PPFIA1: variants seen among roughly 807,000 people sequenced by gnomAD.
The protein encoded by PPFIA1 is liprin-alpha-1.
PPFIA1 carries 25 observed loss-of-function variants against 149.9 expected under a neutral mutation model. The ratio of observed to expected loss-of-function variants is 0.17; its 90% CI spans 0.12 to 0.23. The LOEUF is 0.23. Among genes scored for constraint, PPFIA1 ranks in the 10% least tolerant of loss-of-function variants. PPFIA1 has a pLI of 1.00. For synonymous variants in PPFIA1, 549 were observed against 552.8 expected (o/e 0.99, Z 0.10); for missense variants, 1,362 against 1,506.5 (o/e 0.90, Z 1.59).
chr11:70,276,644 A>G (rs1280533468), intron 2 of PPFIA1, among the ~76,000 whole-genome samples: 1 of 152,190 alleles, frequency 6.6e-6, no homozygotes, highest in Non-Finnish European at 1.5e-5. Context: ...TGGCAAAACC[A>G]GCTGGTACAG....
At chr11:70,287,500 T>G (rs1297780557) in intron 2 of PPFIA1, among the ~76,000 whole-genome samples, 1 of 151,868 alleles carries the variant, frequency 6.6e-6, no homozygotes, top group Non-Finnish European at 1.5e-5. Flanking sequence ...CAGCTAAGTT[T>G]TTTTTTTTTT....
chr11:70,377,905 G>C, intron 25 of PPFIA1, 125 bp from the exon 26 acceptor site: 1 of 777,400 alleles, frequency 1.3e-6, no homozygotes, highest in Non-Finnish European at 2.1e-6. Flanking sequence ...CATCAAGAAG[G>C]GATTAAATAC....
At chr11:70,318,141 G>A (rs773957277) in intron 2 of PPFIA1, among the ~76,000 whole-genome samples, 12 of 152,092 alleles carry the variant, frequency 7.9e-5, no homozygotes, top group Admixed American at 2.0e-4. Context: ...CCTAAGTGCC[G>A]CCAGCATCTC....
chr11:70,368,986 C>CA (rs2057096856), intron 21 of PPFIA1, among the ~76,000 whole-genome samples: 2 of 148,974 alleles, frequency 1.3e-5, no homozygotes, highest in African/African-American at 2.5e-5. Context: ...GACAGGGTCT[C>CA]ACCATGTTGC....
intron 2 of PPFIA1, among the ~76,000 whole-genome samples, chr11:70,278,294 C>T (rs952306063): frequency 6.6e-6 from 1 of 152,064 alleles, no homozygotes; most frequent in Non-Finnish European, 1.5e-5. Flanking sequence ...CCTCAGCCTC[C>T]CAAACTGCTG....
chr11:70,372,818 A>G (rs2057329162), intron 23 of PPFIA1, among the ~76,000 whole-genome samples: 1 of 152,238 alleles, frequency 6.6e-6, no homozygotes, highest in Non-Finnish European at 1.5e-5. Flanking sequence ...GTCTCCGGCT[A>G]GTCGTTTCCT....
chr11:70,313,631 G>A (rs2053423143), intron 2 of PPFIA1, among the ~76,000 whole-genome samples: 5 of 152,176 alleles, frequency 3.3e-5, no homozygotes, highest in African/African-American at 2.4e-5. Context: ...GCGATGTGAT[G>A]TCTCAGTGTC....
chr11:70,353,091 G>A (rs1044153009), intron 16 of PPFIA1, among the ~76,000 whole-genome samples: 1 of 152,196 alleles, frequency 6.6e-6, no homozygotes, highest in Non-Finnish European at 1.5e-5. Flanking sequence ...CATTTTAACT[G>A]TTAGTTGAGA....
At chr11:70,294,561 A>AG (rs963202790) in intron 2 of PPFIA1, among the ~76,000 whole-genome samples, 13 of 148,998 alleles carry the variant, frequency 8.7e-5, no homozygotes, top group African/African-American at 3.2e-4. Flanking sequence ...TTTTTTTTTA[A>AG]TTTTTATTTT....
At chr11:70,330,034 G>T (rs2054560040) in intron 7 of PPFIA1, 139 bp from the exon 8 acceptor site, 2 of 713,074 alleles carry the variant, frequency 2.8e-6, no homozygotes, top group African/African-American at 1.9e-5. Flanking sequence ...GGAGTGAGCT[G>T]CTGTATCTGG....
chr11:70,272,185 G>A lies in PPFIA1; in HGVS notation c.13G>A (p.Val5Met). The A allele has an allele frequency of 6.2e-7, 1 of 1,613,574 alleles. No homozygotes were observed. The highest frequency in any genetic ancestry group is 8.5e-7 in the Non-Finnish European group (1 of 1,179,994). ...CTTTCATTTCAAGATGATGTGCGAGGTGATGCCGACCATCAGCGAAGCAGA... is the reference window on the plus strand; with the variant it reads ...CTTTCATTTCAAGATGATGTGCGAGATGATGCCGACCATCAGCGAAGCAGA... MMCE[V>M]MPTISEAEGP... The change falls in exon 2 of 28, where the codon GTG (valine) becomes ATG (methionine). Residue 5 changes from valine to methionine, a missense_variant. Physicochemically the swap from Val to Met is conservative, Grantham distance 21. Around this residue, in one of 7 missense-constraint regions of PPFIA1, gnomAD observed 100 missense variants for 106.2 expected, o/e 0.94. Transcript: ENST00000253925.
intron 2 of PPFIA1, among the ~76,000 whole-genome samples, chr11:70,299,621 G>A (rs2052338374): frequency 6.6e-6 from 1 of 152,070 alleles, no homozygotes; most frequent in African/African-American, 2.4e-5. Flanking sequence ...GTGTCCATTG[G>A]GTGTCCTGCT....
chr11:70,346,352 A>G (rs1201538690), intron 15 of PPFIA1, among the ~76,000 whole-genome samples: 2 of 151,970 alleles, frequency 1.3e-5, no homozygotes, highest in African/African-American at 2.4e-5. Context: ...TGGAGGTGCC[A>G]GTCCTGGTCA....
chr11:70,306,137 A>G (rs2052830188), intron 2 of PPFIA1, among the ~76,000 whole-genome samples: 1 of 152,254 alleles, frequency 6.6e-6, no homozygotes, highest in Non-Finnish European at 1.5e-5. Context: ...TTTCTTTTGG[A>G]GTAAAACATG....
intron 19 of PPFIA1, among the ~76,000 whole-genome samples, chr11:70,359,010 G>A (rs1401055350): frequency 6.6e-6 from 1 of 152,180 alleles, no homozygotes; most frequent in Non-Finnish European, 1.5e-5. Context: ...AAGCAGACTC[G>A]GGAGATTTGC....
intron 2 of PPFIA1, 100 bp downstream of exon 2, chr11:70,272,536 A>C: frequency 7.5e-7 from 1 of 1,340,842 alleles, no homozygotes; most frequent in Non-Finnish European, 1.0e-6. Context: ...ATTTTCCGTA[A>C]CGATTTGTGA....
intron 1 of PPFIA1, chr11:70,271,115 C>T (rs1425767861): frequency 2.0e-5 from 3 of 151,878 alleles, no homozygotes; most frequent in Non-Finnish European, 4.4e-5. Context: ...GCTCCGGGGA[C>T]TGCGCGCTGC....
intron 21 of PPFIA1, 124 bp from the exon 22 acceptor site, chr11:70,372,091 A>T: frequency 1.2e-5 from 10 of 852,522 alleles, no homozygotes; most frequent in Non-Finnish European, 1.7e-5. Flanking sequence ...TTTTGCAATT[A>T]TAAAATTATC....
At chr11:70,274,439 C>G (rs951354766) in intron 2 of PPFIA1, among the ~76,000 whole-genome samples, 3 of 152,136 alleles carry the variant, frequency 2.0e-5, no homozygotes. Flanking sequence ...CAGTAGTTGT[C>G]CCCCAGAGCT....
Sources: gnomAD v4.1 joint callset for allele counts (sites outside exome capture counted in the v4.1 genomes callset) on GRCh38, gnomAD v4.1.1 for gene constraint, gnomAD v4.1.1 regional missense constraint, MANE v1.5 for transcripts, NCBI Gene and HGNC (gene_info 2026-07-23, HGNC 2026-07-21) for gene names.